IRAK1BP1: variants seen among roughly 807,000 people sequenced by gnomAD.
IRAK1BP1 encodes the protein interleukin 1 receptor associated kinase 1 binding protein 1.
IRAK1BP1 carries 24 observed loss-of-function variants against 28.0 expected under a neutral mutation model. The observed-to-expected ratio is 0.86, with a 90% confidence interval of 0.62 to 1.20. The LOEUF is 1.20. Ranked by LOEUF, IRAK1BP1 falls within the 50% of genes most tolerant of loss-of-function variation. IRAK1BP1 has a pLI of 0.00. For synonymous variants in IRAK1BP1, 131 were observed against 116.3 expected (o/e 1.13, Z -0.81); for missense variants, 336 against 316.7 (o/e 1.06, Z -0.46).
At chr6:78,872,917 T>C (rs186485974) in intron 1 of IRAK1BP1, among the ~76,000 whole-genome samples, 1 of 152,224 alleles carries the variant, frequency 6.6e-6, no homozygotes, top group Admixed American at 6.5e-5. Context: ...CATTTTTCTA[T>C]TGTCTTTACC....
chr6:78,960,826 C>T, the IRAK1BP1 span, among the ~76,000 whole-genome samples: 3 of 151,530 alleles, frequency 2.0e-5, no homozygotes, highest in Non-Finnish European at 2.9e-5. Context: ...AAATTTAAGT[C>T]ATAAAAAGAA....
chr6:78,972,283 T>G, the IRAK1BP1 span, among the ~76,000 whole-genome samples: 3 of 152,146 alleles, frequency 2.0e-5, no homozygotes, highest in Non-Finnish European at 4.4e-5. Context: ...CACCTCACAC[T>G]GCAGGGTACT....
At chr6:78,947,569 A>T (rs1328568003), downstream of IRAK1BP1, 3 of 849,408 alleles carry the variant, frequency 3.5e-6, no homozygotes, top group Non-Finnish European at 5.5e-6. Flanking sequence ...TTAGTCATTT[A>T]ACACACTCCT....
chr6:78,888,517 C>G (rs1771509967), intron 2 of IRAK1BP1, among the ~76,000 whole-genome samples: 1 of 134,970 alleles, frequency 7.4e-6, no homozygotes, highest in African/African-American at 2.6e-5. Flanking sequence ...CAGTACAGCT[C>G]CAATTTTTTT....
the IRAK1BP1 span, among the ~76,000 whole-genome samples, chr6:78,968,750 T>C: frequency 6.6e-6 from 1 of 152,222 alleles, no homozygotes; most frequent in Non-Finnish European, 1.5e-5. Flanking sequence ...ATTGCTTCAT[T>C]TTTTTAATGC....
intron 2 of IRAK1BP1, among the ~76,000 whole-genome samples, chr6:78,888,336 A>T (rs574669759): frequency 1.3e-5 from 2 of 149,312 alleles, no homozygotes; most frequent in Admixed American, 1.3e-4. Context: ...GGTAGATCTC[A>T]TGTTGTGTTG....
the IRAK1BP1 span, among the ~76,000 whole-genome samples, chr6:78,979,371 T>G: frequency 6.6e-6 from 1 of 152,014 alleles, no homozygotes; most frequent in Non-Finnish European, 1.5e-5. Context: ...CTCCTTTCCT[T>G]TCAAAATGCT....
At chr6:78,956,551 ATAT>A in the IRAK1BP1 span, 1 of 152,262 alleles carries the variant, frequency 6.6e-6, no homozygotes, top group South Asian at 2.1e-4. Context: ...CTCAGAGCTT[ATAT>A]TTTAGATTCA....
chr6:78,908,698 C>T (rs960207619), intron 4 of IRAK1BP1, among the ~76,000 whole-genome samples: 5 of 152,070 alleles, frequency 3.3e-5, no homozygotes, highest in African/African-American at 1.2e-4. Flanking sequence ...AGCGTGTGCA[C>T]ATCTACCAGA....
exon 5 of IRAK1BP1, chr6:78,945,847 A>T: frequency 1.5e-6 from 1 of 646,142 alleles, no homozygotes; most frequent in Non-Finnish European, 2.7e-6. Flanking sequence ...TCTTCTTATT[A>T]AAAACTTTTT....
rs567349133 is a variant in IRAK1BP1, at chr6:78,878,473, A to G, written c.316-6905A>G. 7.9e-5 allele frequency among the ~76,000 whole-genome samples: 12 copies of G among 152,352 alleles called. No homozygotes were observed. The South Asian group carries it at 2.3e-3, about 29-fold the overall frequency. Reference sequence around the variant, plus strand: ...ATGAAAACTAACAGAAAGGACATCCACAACAAAACCCCATCTGTACGTCAC... The same window carrying G: ...ATGAAAACTAACAGAAAGGACATCCGCAACAAAACCCCATCTGTACGTCAC... On this transcript the variant is annotated intron_variant, in intron 1 of 3. Transcript: ENST00000369940.
chr6:78,964,867 C>A, the IRAK1BP1 span, among the ~76,000 whole-genome samples: 1 of 152,198 alleles, frequency 6.6e-6, no homozygotes, highest in African/African-American at 2.4e-5. Context: ...TAATGCTACT[C>A]TATAAATAAT....
At chr6:78,921,264 A>G (rs1317598849) in intron 4 of IRAK1BP1, among the ~76,000 whole-genome samples, 1 of 152,200 alleles carries the variant, frequency 6.6e-6, no homozygotes, top group East Asian at 1.9e-4. Context: ...CAAACGGCAC[A>G]CCAGGTGATT....
intron 2 of IRAK1BP1, among the ~76,000 whole-genome samples, chr6:78,894,681 A>G (rs1228816044): frequency 1.3e-5 from 2 of 152,210 alleles, no homozygotes; most frequent in African/African-American, 2.4e-5. Context: ...CAGTAAGAAT[A>G]TAACAGATTT....
intron 4 of IRAK1BP1, among the ~76,000 whole-genome samples, chr6:78,921,451 G>A (rs1046516115): frequency 6.6e-6 from 1 of 152,204 alleles, no homozygotes; most frequent in African/African-American, 2.4e-5. Flanking sequence ...TGGAGCCCAC[G>A]GCAGCTCAAG....
chr6:78,896,363 A>G (rs1389608607), intron 2 of IRAK1BP1, among the ~76,000 whole-genome samples: 1 of 151,698 alleles, frequency 6.6e-6, no homozygotes, highest in Non-Finnish European at 1.5e-5. Context: ...CTGTGATTAG[A>G]TCATGTAACG....
downstream of IRAK1BP1, among the ~76,000 whole-genome samples, chr6:78,949,077 A>G (rs1323055101): frequency 6.6e-6 from 1 of 152,132 alleles, no homozygotes; most frequent in East Asian, 1.9e-4. Context: ...TCTTAGGGGG[A>G]AAGCACTCAG....
intron 2 of IRAK1BP1, among the ~76,000 whole-genome samples, chr6:78,886,408 G>C (rs1271987432): frequency 6.6e-6 from 1 of 152,070 alleles, no homozygotes; most frequent in Non-Finnish European, 1.5e-5. Context: ...CTATGTCAAG[G>C]AATTTTTAAA....
intron 1 of IRAK1BP1, among the ~76,000 whole-genome samples, chr6:78,878,102 T>C (rs765894913): frequency 7.9e-5 from 12 of 152,194 alleles, no homozygotes; most frequent in Non-Finnish European, 1.3e-4. Flanking sequence ...CAGAAACTTC[T>C]GCAGACTTAA....
Sources: allele counts gnomAD v4.1 joint callset (sites outside exome capture counted in the v4.1 genomes callset), GRCh38; gene constraint gnomAD v4.1.1; transcripts MANE v1.5; gene names NCBI Gene and HGNC (gene_info 2026-07-23, HGNC 2026-07-21).